ALPK2: variants seen among roughly 807,000 people sequenced by gnomAD.
The protein encoded by ALPK2 is alpha-protein kinase 2.
Under a neutral mutation model 163.1 loss-of-function variants are expected in ALPK2, and 127 were observed. The ratio of observed to expected loss-of-function variants is 0.78; its 90% confidence interval spans 0.67 to 0.90. The LOEUF (loss-of-function observed/expected upper bound fraction) is 0.90, where lower values mean the gene tolerates loss of function less well. Among genes scored for constraint, ALPK2 ranks in the 40% least tolerant of loss-of-function variants. The pLI is 0.00. For synonymous variants in ALPK2, 953 were observed against 959.1 expected (o/e 0.99, Z 0.12); for missense variants, 2,360 against 2,589.6 (o/e 0.91, Z 1.92).
intron 10 of ALPK2, among the ~76,000 whole-genome samples, chr18:58,510,894 T>G (rs2051486738): frequency 1.3e-5 from 2 of 152,232 alleles, no homozygotes; most frequent in African/African-American, 4.8e-5. Context: ...TCCTGCCTGA[T>G]TGCCCTGGCC....
intron 11 of ALPK2, among the ~76,000 whole-genome samples, chr18:58,500,122 T>C (rs959168356): frequency 6.6e-6 from 1 of 152,192 alleles, no homozygotes; most frequent in Non-Finnish European, 1.5e-5. Context: ...CCAGTGACCA[T>C]TTTAAAAGTC....
rs2051644300 is a variant in ALPK2 at position 58,536,003 on chromosome 18, C to A, written c.4184G>T (p.Cys1395Phe). The A allele has an allele frequency of 6.2e-7, 1 of 1,613,412 alleles. No homozygotes were observed. Among genetic ancestry groups the A allele is most frequent in the African/African-American group, 1.3e-5 (1 of 74,952 alleles). The change falls in exon 5 of 13, where the codon TGC becomes TTC. Residue 1395 changes from cysteine (C) to phenylalanine (F), a missense_variant. Physicochemically the swap from Cys to Phe is radical, Grantham distance 205 (BLOSUM62 -2). Coordinates refer to ENST00000361673, the MANE Select transcript of ALPK2 (RefSeq NM_052947.4). ...HTAFFKKFLT[C>F]PKILESSVDP... is the part of the protein sequence containing the mutation. The stretch of plus-strand genomic sequence containing the variant: ...TACAGAGGACTCTAGGATTTTAGGG[C>A]AGGTCAGAAACTTTTTAAAGAAGGC...
chr18:58,505,458 C>T (rs985571653), intron 10 of ALPK2, among the ~76,000 whole-genome samples: 13 of 152,142 alleles, frequency 8.5e-5, no homozygotes, highest in South Asian at 6.2e-4. Context: ...CTTCCTACTA[C>T]GATGAGCCAT....
intron 12 of ALPK2, among the ~76,000 whole-genome samples, chr18:58,496,182 C>T (rs915653660): frequency 3.3e-5 from 5 of 152,260 alleles, no homozygotes; most frequent in East Asian, 1.9e-4. Context: ...CAAATTCCTA[C>T]GATGCCAAGA....
intron 4 of ALPK2, among the ~76,000 whole-genome samples, chr18:58,551,203 A>T (rs1007094366): frequency 6.6e-6 from 1 of 152,142 alleles, no homozygotes; most frequent in Non-Finnish European, 1.5e-5. Flanking sequence ...AATGACCACA[A>T]ACTGGGCAGC....
At position 58,481,966 on chromosome 18, in the gene ALPK2, A is replaced by G; in HGVS notation, c.6370T>C (p.Tyr2124His). ...QFKALHQCNK[Y>H]CKMLGLKSLQ... ...GATTTCAGTCCCAGCATTTTGCAATACTTGTTACACTGGTGTAGTGCTTTA... is the reference window on the plus strand; with the variant it reads ...GATTTCAGTCCCAGCATTTTGCAATGCTTGTTACACTGGTGTAGTGCTTTA... Residue 2124 changes from tyrosine to histidine, a missense_variant, in exon 13 of 13, where the codon TAT (tyrosine) becomes CAT (histidine). By Grantham distance (83) the Tyr-to-His change is moderately conservative. Coordinates refer to ENST00000361673, the MANE Select transcript of ALPK2 (RefSeq NM_052947.4). 6.2e-7 allele frequency: 1 copy of G among 1,614,158 alleles called. No homozygotes were observed. Among genetic ancestry groups the G allele is most frequent in the Non-Finnish European group, 8.5e-7 (1 of 1,180,012 alleles).
At chr18:58,588,600 A>G (rs1218182887) in intron 3 of ALPK2, among the ~76,000 whole-genome samples, 1 of 152,088 alleles carries the variant, frequency 6.6e-6, no homozygotes, top group Admixed American at 6.6e-5. Context: ...CTGTCCACCG[A>G]CAGGCCCCAG....
rs1260367957 is a variant in ALPK2, at chr18:58,535,263, G to T, written c.4924C>A (p.Pro1642Thr). The T allele has an allele frequency of 3.1e-6, 5 of 1,614,106 alleles. No individual in the cohort carries two copies. Among genetic ancestry groups the T allele is most frequent in the East Asian group, 2.2e-5 (1 of 44,888 alleles). ...IEVLQIGETK[P>T]PSSSSSSAKT... Reference sequence around the variant, plus strand: ...GCTGAGGAGCTAGATGAGCTTGGGGGTTTGGTTTCCCCAATTTGAAGCACC... The same window carrying T: ...GCTGAGGAGCTAGATGAGCTTGGGGTTTTGGTTTCCCCAATTTGAAGCACC... Residue 1642 changes from proline (P) to threonine (T), a missense_variant, in exon 5 of 13, where the codon CCC (proline) becomes ACC (threonine). Transcript: ENST00000361673.
chr18:58,505,132 A>G (rs1439555324), intron 10 of ALPK2, among the ~76,000 whole-genome samples: 2 of 152,030 alleles, frequency 1.3e-5, no homozygotes, highest in African/African-American at 4.8e-5. Flanking sequence ...CTGCATGACA[A>G]AGATCACTGC....
Position 58,536,972 on chromosome 18 carries a change from A to C in ALPK2, c.3215T>G (p.Leu1072Arg). 1 of 1,614,210 alleles carries C rather than the reference A, an allele frequency of 6.2e-7. No individual in the cohort carries two copies. The highest frequency in any genetic ancestry group is 8.5e-7 in the Non-Finnish European group (1 of 1,180,024). Residue 1072 changes from leucine (L) to arginine (R), a missense_variant, in exon 5 of 13, where the codon CTA becomes CGA. By Grantham distance (102) the Leu-to-Arg change is moderately radical (BLOSUM62 -2). Coordinates refer to ENST00000361673, the MANE Select transcript of ALPK2 (RefSeq NM_052947.4). ...SGATIKSTKELLCRAPSVPGV... is the reference protein window; with the variant it reads ...SGATIKSTKERLCRAPSVPGV... Reference sequence around the variant, plus strand: ...TGGCACACTGGGTGCCCTGCAAAGTAGCTCTTTTGTAGATTTGATGGTAGC... The same window carrying C: ...TGGCACACTGGGTGCCCTGCAAAGTCGCTCTTTTGTAGATTTGATGGTAGC...
chr18:58,516,522 A>G (rs1007854447), intron 9 of ALPK2, among the ~76,000 whole-genome samples: 1 of 152,168 alleles, frequency 6.6e-6, no homozygotes, highest in Non-Finnish European at 1.5e-5. Flanking sequence ...CACTCCAGCA[A>G]CTAGTGCTGA....
At chr18:58,483,765 A>G (rs911452874) in intron 12 of ALPK2, among the ~76,000 whole-genome samples, 1 of 148,212 alleles carries the variant, frequency 6.7e-6, no homozygotes, top group African/African-American at 2.5e-5. Flanking sequence ...GGGCTTCACC[A>G]TGTTGGCCAG....
intron 10 of ALPK2, among the ~76,000 whole-genome samples, chr18:58,507,235 G>A (rs2051466370): frequency 6.6e-6 from 1 of 152,188 alleles, no homozygotes; most frequent in Non-Finnish European, 1.5e-5. Context: ...GAGGGACCAA[G>A]TGATCAGAGT....
intron 8 of ALPK2, among the ~76,000 whole-genome samples, chr18:58,521,188 C>T (rs1176600662): frequency 6.6e-6 from 1 of 152,224 alleles, no homozygotes; most frequent in East Asian, 1.9e-4. Context: ...CCAGGCTCTA[C>T]GGCTGGAGTC....
At position 58,611,718 on chromosome 18, in the gene ALPK2, G is replaced by A; in HGVS notation, c.80C>T (p.Ser27Leu). The A allele has an allele frequency of 6.2e-7, 1 of 1,613,140 alleles. No homozygotes were observed. The highest frequency in any genetic ancestry group is 8.5e-7 in the Non-Finnish European group (1 of 1,179,634). Residue 27 changes from serine (S) to leucine (L), a missense_variant, in exon 2 of 13, where the codon TCA becomes TTA. Transcript: ENST00000361673. ...TATTATGCAGCGAAGCACAGCGTCTGACTTCTCAGGAACCTTCTGGGAAAG... is the reference window on the plus strand; with the variant it reads ...TATTATGCAGCGAAGCACAGCGTCTAACTTCTCAGGAACCTTCTGGGAAAG... The part of the protein sequence containing the change: ...TLLSQKVPEK[S>L]DAVLRCIISG...
At chr18:58,569,441 C>G (rs1242166064) in intron 4 of ALPK2, among the ~76,000 whole-genome samples, 1 of 152,112 alleles carries the variant, frequency 6.6e-6, no homozygotes, top group Non-Finnish European at 1.5e-5. Flanking sequence ...GAGAAGGATC[C>G]TATACTCTGT....
intron 6 of ALPK2, 125 bp from the exon 7 acceptor site, chr18:58,524,187 A>G: frequency 7.6e-7 from 1 of 1,316,152 alleles, no homozygotes. Flanking sequence ...TGAGCTGCCC[A>G]AAGGGCAAAA....
intron 6 of ALPK2, 38 bp downstream of exon 6, chr18:58,529,053 C>G (rs2051598366): frequency 1.2e-6 from 2 of 1,613,354 alleles, no homozygotes; most frequent in Admixed American, 3.3e-5. Context: ...AATAAACAAG[C>G]AACAACTGTG....
At chr18:58,571,166 CA>C (rs1461293152) in intron 4 of ALPK2, among the ~76,000 whole-genome samples, 1 of 151,990 alleles carries the variant, frequency 6.6e-6, no homozygotes, top group Non-Finnish European at 1.5e-5. Flanking sequence ...GGATTACAGG[CA>C]AGCGCCACCA....
Sources: gnomAD v4.1 joint callset for allele counts (sites outside exome capture counted in the v4.1 genomes callset) on GRCh38, gnomAD v4.1.1 for gene constraint, MANE v1.5 for transcripts, NCBI Gene and HGNC (gene_info 2026-07-23, HGNC 2026-07-21) for gene names.